PCDHGA2: variants seen among roughly 807,000 people sequenced by gnomAD.
The protein encoded by PCDHGA2 is protocadherin gamma subfamily A, 2, also known as protocadherin gamma-A2.
Under a neutral mutation model 59.2 loss-of-function variants are expected in PCDHGA2, and 40 were observed. The observed-to-expected ratio is 0.68, with a 90% CI of 0.52 to 0.88. PCDHGA2 has a LOEUF of 0.88. Ranked by LOEUF, PCDHGA2 falls within the 40% of genes least tolerant of loss-of-function variation. The pLI is 0.00. For synonymous variants in PCDHGA2, 560 were observed against 526.0 expected, an observed-to-expected ratio of 1.06 and a Z score of -0.89; for missense variants, 1,226 against 1,204.0, an observed-to-expected ratio of 1.02 and a Z score of -0.27.
At chr5:141,509,486 A>G (rs1022659275) in intron 3 of PCDHGA2, among the ~76,000 whole-genome samples, 10 of 152,132 alleles carry the variant, frequency 6.6e-5, no homozygotes, top group African/African-American at 2.4e-4. Flanking sequence ...GGTAGAGGTG[A>G]TGGCATGCTG....
intron 1 of PCDHGA2, chr5:141,423,905 G>T: frequency 7.9e-7 from 1 of 1,273,594 alleles, no homozygotes; most frequent in Non-Finnish European, 9.9e-7. Flanking sequence ...GATTTCAAAG[G>T]GGCCATTCAA....
chr5:141,385,132 G>T (rs763210124), intron 1 of PCDHGA2: 2 of 1,614,094 alleles, frequency 1.2e-6, no homozygotes, highest in African/African-American at 1.3e-5. Flanking sequence ...GGGCATGGAC[G>T]GGGTGCAGGC....
chr5:141,361,542 C>T, intron 1 of PCDHGA2: 5 of 1,614,054 alleles, frequency 3.1e-6, no homozygotes, highest in Non-Finnish European at 3.4e-6. Context: ...CTCCTGGCGC[C>T]TCTATCGCTC....
Position 141,486,032 on chromosome 5 carries a change from G to C in PCDHGA2, c.2425-8775G>C, listed in dbSNP as rs560909128. The C allele has an allele frequency of 1.2e-6, 2 of 1,614,166 alleles. No individual in the cohort carries two copies. Among genetic ancestry groups the C allele is most frequent in the African/African-American group, 2.7e-5 (2 of 75,034 alleles). On this transcript the variant is annotated intron_variant, in intron 1 of 3. Transcript: ENST00000394576. This position sits in a 1 kb window ranked among gnomAD's most constrained non-coding sequence, Gnocchi z 5.0. ...CTTTTATTTCAGTGGTCATACCCCT[G>C]ATCGTGTAAGAAACCTCTTTAGCCT... is the stretch of plus-strand genomic sequence containing the variant.
intron 2 of PCDHGA2, among the ~76,000 whole-genome samples, chr5:141,503,423 C>T (rs1018496430): frequency 6.6e-6 from 1 of 151,752 alleles, no homozygotes; most frequent in Non-Finnish European, 1.5e-5. Context: ...GGTGAAACCC[C>T]ATCTCTACTA....
chr5:141,344,074 C>G (rs768383446), intron 1 of PCDHGA2: 3 of 1,608,972 alleles, frequency 1.9e-6, no homozygotes, highest in African/African-American at 1.3e-5. Context: ...AGAGGACTGG[C>G]CCTGCTGTGC....
intron 1 of PCDHGA2, chr5:141,410,849 C>CTTTTTTTTTTTTTTGTTTTTTTT (rs2095434772): frequency 7.7e-6 from 1 of 129,786 alleles, no homozygotes; most frequent in Admixed American, 1.1e-4. Flanking sequence ...TTGTCTTTGT[C>CTTTTTTTTTTTTTTGTTTTTTTT]TTTTTTTTTT....
chr5:141,374,221 C>A, intron 1 of PCDHGA2: 1 of 1,613,996 alleles, frequency 6.2e-7, no homozygotes, highest in Non-Finnish European at 8.5e-7. Flanking sequence ...CCTTCGTAGG[C>A]AACATCGTCA....
At chr5:141,461,603 G>A (rs1413122199) in intron 1 of PCDHGA2, among the ~76,000 whole-genome samples, 8 of 152,092 alleles carry the variant, frequency 5.3e-5, no homozygotes, top group African/African-American at 1.9e-4. Context: ...TTATAATTTA[G>A]TTCAAAGTAT....
intron 1 of PCDHGA2, chr5:141,415,337 G>A: frequency 1.2e-6 from 2 of 1,614,210 alleles, no homozygotes; most frequent in Non-Finnish European, 1.7e-6. Flanking sequence ...CACAGGCTGC[G>A]GCGCTGGCAC....
rs2233602 is a variant in PCDHGA2, at chr5:141,490,032, C to T, written c.2425-4775C>T. 47,990 of 1,614,182 alleles carry T rather than the reference C, an allele frequency of 0.03. 1,413 individuals are homozygous for T. Among genetic ancestry groups the T allele is most frequent in the African/African-American group, 0.15 (11,444 of 75,040 alleles). On this transcript the variant is annotated intron_variant, in intron 1 of 3. Coordinates refer to ENST00000394576, the MANE Select transcript of PCDHGA2 (RefSeq NM_018915.4). The surrounding 1 kb of genome is among the most constrained non-coding windows in gnomAD (Gnocchi z 5.4). ...CCATTGGTACTCTGCTGCTCCGCCT[C>T]AATGCCACTGATCCAGACGAGGGCA...
intron 1 of PCDHGA2, among the ~76,000 whole-genome samples, chr5:141,457,459 C>G (rs749463185): frequency 1.6e-4 from 24 of 152,166 alleles, no homozygotes; most frequent in Non-Finnish European, 3.4e-4. Context: ...CCACTTGATT[C>G]ACAGGAATAA....
intron 1 of PCDHGA2, among the ~76,000 whole-genome samples, chr5:141,380,531 AT>A (rs543704325): frequency 5.7e-4 from 87 of 152,348 alleles, no homozygotes; most frequent in African/African-American, 2.0e-3. Flanking sequence ...AATGATTTCA[AT>A]TTGATACAAT....
chr5:141,365,116 C>G (rs1763746744), intron 1 of PCDHGA2: 1 of 1,613,900 alleles, frequency 6.2e-7, no homozygotes, highest in Non-Finnish European at 8.5e-7. Flanking sequence ...CTCGGCTGCT[C>G]ATGCTAACCG....
rs1488305057 is a variant in PCDHGA2, at chr5:141,477,736, C to A, written c.2425-17071C>A. ...AATTTGAATTAACAGCTCATATCAG[C>A]GATGGGGGCACCCCGGTCCTAGCCA... On this transcript the variant is annotated intron_variant, in intron 1 of 3. Transcript: ENST00000394576. This position sits in a 1 kb window ranked among gnomAD's most constrained non-coding sequence, Gnocchi z 4.9. The A allele has an allele frequency of 6.2e-7, 1 of 1,613,790 alleles. No homozygotes were observed. Among genetic ancestry groups the A allele is most frequent in the Non-Finnish European group, 8.5e-7 (1 of 1,180,024 alleles).
At chr5:141,400,551 T>G in intron 1 of PCDHGA2, 1 of 1,613,726 alleles carries the variant, frequency 6.2e-7, no homozygotes, top group Non-Finnish European at 8.5e-7. Context: ...TCTATTCTTT[T>G]TCATTACCCA....
intron 1 of PCDHGA2, chr5:141,410,053 C>T: frequency 6.2e-7 from 1 of 1,613,160 alleles, no homozygotes; most frequent in African/African-American, 1.3e-5. Context: ...CCGGACTCTT[C>T]AGCCTGGGGC....
At chr5:141,404,479 A>C in intron 1 of PCDHGA2, 1 of 1,613,750 alleles carries the variant, frequency 6.2e-7, no homozygotes, top group South Asian at 1.1e-5. Context: ...CTATTAACTC[A>C]GACACTGGTG....
chr5:141,454,932 C>G (rs945154196), intron 1 of PCDHGA2, among the ~76,000 whole-genome samples: 7 of 150,770 alleles, frequency 4.6e-5, no homozygotes, highest in Non-Finnish European at 1.0e-4. Context: ...CTCAGCCTCC[C>G]GAGTAGCTGG....
Sources: gnomAD v4.1 joint callset for allele counts (sites outside exome capture counted in the v4.1 genomes callset) on GRCh38, gnomAD v4.1.1 for gene constraint, Gnocchi (gnomAD v3.1) non-coding constraint, MANE v1.5 for transcripts, NCBI Gene and HGNC (gene_info 2026-07-23, HGNC 2026-07-21) for gene names.